Variants in PTPN3 observed in about 807,000 individuals in gnomAD.
The protein encoded by PTPN3 is protein tyrosine phosphatase non-receptor type 3.
A neutral mutation model predicts 132.7 loss-of-function variants in PTPN3; 96 were observed. That is an observed-to-expected ratio of 0.72 (90% confidence interval 0.61 to 0.86). The LOEUF (loss-of-function observed/expected upper bound fraction) is 0.86, where lower values mean the gene tolerates loss of function less well. PTPN3 is among the 40% of genes least tolerant of loss of function. PTPN3 has a pLI of 0.00. For synonymous variants in PTPN3, 398 were observed against 429.0 expected (o/e 0.93, Z 0.89); for missense variants, 1,125 against 1,159.6 (o/e 0.97, Z 0.43).
chr9:109,504,458 A>G, the PTPN3 span, among the ~76,000 whole-genome samples: 1 of 152,222 alleles, frequency 6.6e-6, no homozygotes, highest in Non-Finnish European at 1.5e-5. Flanking sequence ...CACAGATTCA[A>G]ATAAGGGAAC....
intron 1 of PTPN3, among the ~76,000 whole-genome samples, chr9:109,470,387 C>T (rs1049580433): frequency 7.9e-5 from 12 of 152,170 alleles, no homozygotes; most frequent in African/African-American, 2.7e-4. Context: ...ACCATGCTTT[C>T]CTACTGCTGT....
upstream of PTPN3, among the ~76,000 whole-genome samples, chr9:109,499,920 G>C (rs1380347486): frequency 6.6e-6 from 1 of 152,148 alleles, no homozygotes; most frequent in East Asian, 1.9e-4. Context: ...AGCACCACTC[G>C]GACGGGCGGG....
intron 1 of PTPN3, among the ~76,000 whole-genome samples, chr9:109,473,988 G>A (rs1034889672): frequency 2.0e-5 from 3 of 151,500 alleles, no homozygotes; most frequent in African/African-American, 7.3e-5. Context: ...AATTCCACAG[G>A]TCTCAACTTT....
At chr9:109,508,859 C>T in the PTPN3 span, among the ~76,000 whole-genome samples, 2 of 152,028 alleles carry the variant, frequency 1.3e-5, no homozygotes, top group East Asian at 3.9e-4. Context: ...GATGTCCCCC[C>T]CCCACCCACC....
intron 10 of PTPN3, chr9:109,428,910 T>C: frequency 1.0e-5 from 10 of 985,418 alleles, no homozygotes; most frequent in African/African-American, 3.5e-5. Flanking sequence ...GATTATGATG[T>C]AGCTTTTAAA....
chr9:109,422,585 A>T, intron 13 of PTPN3, 133 bp downstream of exon 13: 3 of 1,028,592 alleles, frequency 2.9e-6, no homozygotes, highest in Non-Finnish European at 4.1e-6. Context: ...GAAAACAGTT[A>T]CTTCTGCCAA....
chr9:109,381,634 T>G lies in PTPN3; in HGVS notation c.2664+18A>C, dbSNP rs780171716. ...CTCAGAAAGTGCCAGCCACCGTAATTACTGGATTTCTACTCACTGATGTCT... is the reference window on the plus strand; with the variant it reads ...CTCAGAAAGTGCCAGCCACCGTAATGACTGGATTTCTACTCACTGATGTCT... On this transcript the variant is annotated intron_variant, in intron 25 of 25. Transcript: ENST00000374541. The G allele has an allele frequency of 1.9e-6, 3 of 1,614,060 alleles. No homozygotes were observed. The highest frequency in any genetic ancestry group is 2.2e-5 in the South Asian group (2 of 91,080).
At chr9:109,533,660 T>G in the PTPN3 span, 1 of 1,490,026 alleles carries the variant, frequency 6.7e-7, no homozygotes, top group Non-Finnish European at 9.2e-7. Context: ...TCCTGCACCC[T>G]GGTTGTCAGC....
rs2131557021 is a variant in PTPN3, at chr9:109,376,540, G to T, written c.*3016C>A. 6.6e-6 allele frequency: 1 copy of T among 152,278 alleles called. No individual in the cohort carries two copies. Among genetic ancestry groups the T allele is most frequent in the Non-Finnish European group, 1.5e-5 (1 of 68,026 alleles). The allele number at this position is 152,278 out of a possible 1,614,324, so 9.4% of individuals were successfully genotyped here. A position where few individuals can be genotyped will look rare whatever the true frequency, so the allele number is the denominator to read the frequency against. On this transcript the variant is annotated 3_prime_UTR_variant, in exon 26 of 26. Transcript: ENST00000374541. ...CTGGAAAGTCAAAACACCAAGTGCA[G>T]GTTCTAGAGGGTGACACCAGCAGGG...
At chr9:109,534,632 C>CAAAAAA in the PTPN3 span, among the ~76,000 whole-genome samples, 18 of 108,734 alleles carry the variant, frequency 1.7e-4, no homozygotes, top group African/African-American at 3.3e-4. Context: ...CAAAAAAATA[C>CAAAAAA]AAAAAAAAAA....
At chr9:109,534,849 A>G in the PTPN3 span, among the ~76,000 whole-genome samples, 1 of 151,312 alleles carries the variant, frequency 6.6e-6, no homozygotes, top group African/African-American at 2.4e-5. Context: ...GTTAGTGTGC[A>G]GTAGTTTTGG....
intron 19 of PTPN3, among the ~76,000 whole-genome samples, chr9:109,394,639 A>G (rs1242825045): frequency 2.0e-5 from 3 of 152,164 alleles, no homozygotes; most frequent in African/African-American, 7.2e-5. Context: ...ACAATTTTAT[A>G]CAAATTTATA....
the PTPN3 span, chr9:109,511,379 G>A: frequency 6.5e-6 from 1 of 152,780 alleles, no homozygotes; most frequent in African/African-American, 2.4e-5. Flanking sequence ...AGAATGCAGT[G>A]ATCCCCAAAG....
chr9:109,420,644 C>A lies in PTPN3; in HGVS notation c.1137-44G>T, dbSNP rs376716951. On this transcript the variant is annotated intron_variant, in intron 13 of 25. Coordinates refer to ENST00000374541, the MANE Select transcript of PTPN3 (RefSeq NM_002829.4). ...GAGTGCAAAGTGTTCAAAGCAAATTCCACTTAAAAATTTTATTAGACACCA... is the reference window on the plus strand; with the variant it reads ...GAGTGCAAAGTGTTCAAAGCAAATTACACTTAAAAATTTTATTAGACACCA... The A allele has an allele frequency of 3.0e-5, 46 of 1,557,550 alleles. No homozygotes were observed. The African/African-American group carries it at 3.9e-4, about 13-fold the overall frequency.
At chr9:109,526,858 C>G in the PTPN3 span, among the ~76,000 whole-genome samples, 1 of 152,046 alleles carries the variant, frequency 6.6e-6, no homozygotes, top group African/African-American at 2.4e-5. Flanking sequence ...CAGCAACAAT[C>G]CCAGCCATAA....
In PTPN3 at chr9:109,436,800, A is replaced by G. The variant is rs555782959; in HGVS notation, c.675+83T>C. 5.3e-6 allele frequency: 8 copies of G among 1,521,978 alleles called. No individual in the cohort carries two copies. In the Admixed American group the frequency reaches 1.5e-4, roughly 29 times the overall value. The allele number at this position is 1,521,978 out of a possible 1,614,324, so 94.3% of individuals were successfully genotyped here. ...AGTCCTGTTATAATGAAAAAGAAAT[A>G]GTTTCATCAAAGAATTTTTCAAACT... On this transcript the variant is annotated intron_variant, in intron 9 of 25. Coordinates refer to ENST00000374541, the MANE Select transcript of PTPN3 (RefSeq NM_002829.4).
intron 5 of PTPN3, among the ~76,000 whole-genome samples, chr9:109,451,673 T>C (rs2132007842): frequency 6.6e-6 from 1 of 152,338 alleles, no homozygotes; most frequent in African/African-American, 2.4e-5. Flanking sequence ...GAAGATTTTG[T>C]CAGCTCCCAG....
intron 2 of PTPN3, 71 bp downstream of exon 2, chr9:109,463,226 G>T: frequency 2.2e-6 from 3 of 1,364,392 alleles, no homozygotes; most frequent in Non-Finnish European, 2.9e-6. Context: ...CATTTTGTGA[G>T]CCAAGAGATG....
At chr9:109,391,342 G>A in intron 20 of PTPN3, 129 bp downstream of exon 20, 2 of 1,270,440 alleles carry the variant, frequency 1.6e-6, no homozygotes, top group Non-Finnish European at 1.1e-6. Context: ...AGTCTGAAAT[G>A]GCTGCAATAA....
Sources: gnomAD v4.1 joint callset for allele counts (sites outside exome capture counted in the v4.1 genomes callset) on GRCh38, gnomAD v4.1.1 for gene constraint, MANE v1.5 for transcripts, NCBI Gene and HGNC (gene_info 2026-07-23, HGNC 2026-07-21) for gene names.